CASKIN1: variants seen among roughly 807,000 people sequenced by gnomAD.
CASKIN1 encodes CASK interacting protein 1, also known as caskin-1.
Under a neutral mutation model 117.5 loss-of-function variants are expected in CASKIN1, and 42 were observed. That is an observed-to-expected ratio of 0.36 (90% CI 0.28 to 0.46). The LOEUF (loss-of-function observed/expected upper bound fraction) is 0.46, where lower values mean the gene tolerates loss of function less well. Among genes scored for constraint, CASKIN1 ranks in the 20% least tolerant of loss-of-function variants. The pLI, the probability that CASKIN1 is intolerant of heterozygous loss-of-function variation, is 1.00. For synonymous variants in CASKIN1, 1,148 were observed against 961.7 expected (o/e 1.19, Z -3.59); for missense variants, 2,083 against 2,077.3 (o/e 1.00, Z -0.05).
At position 2,179,757 on chromosome 16, in the gene CASKIN1, T is replaced by G; in HGVS notation, c.3611A>C (p.Asp1204Ala). 6.5e-7 allele frequency: 1 copy of G among 1,542,180 alleles called. No homozygotes were observed. The highest frequency in any genetic ancestry group is 8.7e-7 in the Non-Finnish European group (1 of 1,148,936). The part of the protein sequence containing the change: ...PPPPAEPPPT[D>A]LAHLPPLPPP... Reference sequence around the variant, plus strand: ...GGGCAATGGGGGTAGGTGCGCCAGGTCGGTGGGCGGGGGTTCGGCAGGCGG... The same window carrying G: ...GGGCAATGGGGGTAGGTGCGCCAGGGCGGTGGGCGGGGGTTCGGCAGGCGG... Residue 1204 changes from aspartate to alanine, a missense_variant, in exon 18 of 20, where the codon GAC (aspartate) becomes GCC (alanine). Asp to Ala is a moderately radical substitution (Grantham distance 126). Around this residue, in one of 3 missense-constraint regions of CASKIN1, gnomAD observed 1,818 missense variants for 1,688.9 expected, o/e 1.08. Transcript: ENST00000343516. The surrounding 1 kb of genome is among the most constrained non-coding windows in gnomAD (Gnocchi z 5.8).
intron 6 of CASKIN1, among the ~76,000 whole-genome samples, chr16:2,187,716 G>A (rs1023324672): frequency 1.5e-4 from 23 of 152,298 alleles, no homozygotes; most frequent in African/African-American, 5.1e-4. Context: ...CCACCTCCTG[G>A]GTTCAAGCGA....
Position 2,180,590 on chromosome 16 carries a change from G to A in CASKIN1, c.2778C>T (p.Ala926=), listed in dbSNP as rs558328556. Residue 926 remains alanine, a synonymous_variant, in exon 18 of 20, where the codon GCC becomes GCT. Transcript: ENST00000343516. ...ACTGGCTGCGGTTGACGTTCTTGTC[G>A]GCACCTGCGGGCGCCCTCACTGAGT... is the stretch of plus-strand genomic sequence containing the variant. The part of the protein sequence containing the change: ...RSHSVRAPAG[A]DKNVNRSQSF... 1.2e-4 allele frequency: 191 copies of A among 1,572,538 alleles called. No individual in the cohort carries two copies. The highest frequency in any genetic ancestry group is 1.7e-4 in the Middle Eastern group (1 of 5,852).
rs955603820 is a variant in CASKIN1, at chr16:2,178,097, C to T, written c.*453G>A. ...TTCTCTGGGGAAATCCGCCTCAGCT[C>T]ATTCCCAATAAATTAATACTCTTGA... On this transcript the variant is annotated 3_prime_UTR_variant, in exon 20 of 20. Coordinates refer to ENST00000343516, the MANE Select transcript of CASKIN1 (RefSeq NM_020764.4). The T allele has an allele frequency of 7.9e-6, 4 of 503,632 alleles. No individual in the cohort carries two copies. Among genetic ancestry groups the T allele is most frequent in the African/African-American group, 1.9e-5 (1 of 51,482 alleles). The allele number at this position is 503,632 out of a possible 1,614,324, so 31.2% of individuals were successfully genotyped here.
intron 9 of CASKIN1, 63 bp from the exon 10 acceptor site, chr16:2,186,887 G>A: frequency 1.9e-6 from 3 of 1,601,984 alleles, no homozygotes; most frequent in Non-Finnish European, 2.6e-6. Flanking sequence ...CCTGCCCAGT[G>A]CCCCCCAGTT....
rs1434919257 is a variant in CASKIN1, at chr16:2,190,382, G to T, written c.95-24C>A. On this transcript the variant is annotated intron_variant, in intron 1 of 19. Transcript: ENST00000343516. ...CTCTGGGGATGGAAGGAGACTCAGT[G>T]AGGGGAGGCTGTGCCAGCCCCTCCA... The T allele has an allele frequency of 5.8e-6, 9 of 1,560,604 alleles. No homozygotes were observed. In the Admixed American group the frequency reaches 1.1e-4, roughly 20 times the overall value.
At position 2,196,437 on chromosome 16, in the gene CASKIN1, C is replaced by T. The variant is rs779045530; in HGVS notation, c.-5G>A. ...CAGCTCCTGCTCCTTCCCCATGGCGCGGCCGGGGCCGCAGCGACGCGGCTG... is the reference window on the plus strand; with the variant it reads ...CAGCTCCTGCTCCTTCCCCATGGCGTGGCCGGGGCCGCAGCGACGCGGCTG... On this transcript the variant is annotated 5_prime_UTR_variant, in exon 1 of 20. Coordinates refer to ENST00000343516, the MANE Select transcript of CASKIN1 (RefSeq NM_020764.4). The surrounding 1 kb of genome is among the most constrained non-coding windows in gnomAD (Gnocchi z 5.7). 3 of 1,262,434 alleles carry T rather than the reference C, an allele frequency of 2.4e-6. No homozygotes were observed. Among genetic ancestry groups the T allele is most frequent in the Non-Finnish European group, 3.0e-6 (3 of 989,256 alleles). 78.2% of individuals were successfully genotyped at this position (1,262,434 alleles called of 1,614,324 possible). A position where few individuals can be genotyped will look rare whatever the true frequency, so the allele number is the denominator to read the frequency against.
chr16:2,180,406 C>G lies in CASKIN1; in HGVS notation c.2962G>C (p.Asp988His). 6.3e-7 allele frequency: 1 copy of G among 1,576,502 alleles called. No individual in the cohort carries two copies. The highest frequency in any genetic ancestry group is 8.6e-7 in the Non-Finnish European group (1 of 1,168,544). Residue 988 changes from aspartate (D) to histidine (H), a missense_variant, in exon 18 of 20, where the codon GAC (aspartate) becomes CAC (histidine). Transcript: ENST00000343516. ...GVRAQCRRAS[D>H]LAGSVDTGSA... ...CCCGTGTCCACGCTGCCGGCCAGGT[C>G]ACTGGCCCGCCGGCACTGTGCCCGG...
intron 1 of CASKIN1, among the ~76,000 whole-genome samples, chr16:2,191,380 C>T (rs1729307171): frequency 2.0e-5 from 3 of 152,230 alleles, no homozygotes; most frequent in Admixed American, 6.5e-5. Context: ...TGATGACCCA[C>T]GAGGCTGGCC....
At position 2,181,583 on chromosome 16, in the gene CASKIN1, C is replaced by T. The variant is rs1418551305; in HGVS notation, c.1785G>A (p.Leu595=). 5.8e-6 allele frequency: 9 copies of T among 1,564,866 alleles called. No individual in the cohort carries two copies. The highest frequency in any genetic ancestry group is 7.8e-6 in the Non-Finnish European group (9 of 1,157,490). ...GITKLGHQKK[L]MLAVRKLAEL... is the part of the protein sequence containing the mutation. Reference sequence around the variant, plus strand: ...CTGCCAGCTTCCTCACAGCGAGCATCAGCTTCTTCTGGTGCCCTGAGTGGG... The same window carrying T: ...CTGCCAGCTTCCTCACAGCGAGCATTAGCTTCTTCTGGTGCCCTGAGTGGG... The change falls in exon 18 of 20, where the codon CTG becomes CTA. Residue 595 remains leucine (L), a synonymous_variant. Coordinates refer to ENST00000343516, the MANE Select transcript of CASKIN1 (RefSeq NM_020764.4).
rs760163393 is a variant in CASKIN1 at position 2,177,438 on chromosome 16, A to C, written c.*1112T>G. 4 of 232,754 alleles carry C rather than the reference A, an allele frequency of 1.7e-5. No homozygotes were observed. The highest frequency in any genetic ancestry group is 3.4e-5 in the Non-Finnish European group (4 of 117,784). The allele number at this position is 232,754 out of a possible 1,614,324, so 14.4% of individuals were successfully genotyped here. A position where few individuals can be genotyped will look rare whatever the true frequency, so the allele number is the denominator to read the frequency against. On this transcript the variant is annotated 3_prime_UTR_variant, in exon 20 of 20. Transcript: ENST00000343516. ...CATTTTTTAAATTTTTTTTTTAAGA[A>C]ACGTCAAAGTTGTGCCCAACACTGT...
At chr16:2,195,140 G>A (rs549908294) in intron 1 of CASKIN1, among the ~76,000 whole-genome samples, 5 of 152,302 alleles carry the variant, frequency 3.3e-5, no homozygotes, top group South Asian at 2.1e-4. Flanking sequence ...CTGAGCCCCC[G>A]GACCTGAAAT....
intron 1 of CASKIN1, among the ~76,000 whole-genome samples, chr16:2,195,318 T>C (rs2093212477): frequency 6.6e-6 from 1 of 151,908 alleles, no homozygotes; most frequent in African/African-American, 2.4e-5. Flanking sequence ...GTTCTCGGCA[T>C]CCCCCTGGAG....
In CASKIN1 at chr16:2,183,912, G is replaced by A. The variant is rs760762169; in HGVS notation, c.1446C>T (p.Thr482=). The change falls in exon 15 of 20, where the codon ACC becomes ACT. Residue 482 remains threonine (T), a synonymous_variant. Coordinates refer to ENST00000343516, the MANE Select transcript of CASKIN1 (RefSeq NM_020764.4). ...GGGCGTAGAGCTGCAGCTGGAACGCGGTGAGCCACTGGCTCACGGCCTCAG... is the reference window on the plus strand; with the variant it reads ...GGGCGTAGAGCTGCAGCTGGAACGCAGTGAGCCACTGGCTCACGGCCTCAG... The part of the protein sequence containing the change: ...KSSEAVSQWL[T]AFQLQLYAPN... The A allele has an allele frequency of 1.2e-5, 19 of 1,609,056 alleles. No individual in the cohort carries two copies. The highest frequency in any genetic ancestry group is 3.3e-4 in the Middle Eastern group (2 of 6,044).
intron 1 of CASKIN1, among the ~76,000 whole-genome samples, chr16:2,195,801 C>T (rs903013198): frequency 7.2e-5 from 11 of 152,202 alleles, no homozygotes; most frequent in Non-Finnish European, 1.2e-4. Context: ...GTAAATGGCA[C>T]CCCACCGGCC....
Position 2,179,302 on chromosome 16 carries a change from G to A in CASKIN1, c.3799C>T (p.Pro1267Ser). The change falls in exon 19 of 20, where the codon CCA becomes TCA. Residue 1267 changes from proline (P) to serine (S), a missense_variant. Physicochemically the swap from Pro to Ser is moderately conservative, Grantham distance 74. Coordinates refer to ENST00000343516, the MANE Select transcript of CASKIN1 (RefSeq NM_020764.4). This position sits in a 1 kb window ranked among gnomAD's most constrained non-coding sequence, Gnocchi z 5.8. ...GGCGGCTTGGGAGACACGGGCGGTG[G>A]CGTGCCGTGGGCGCGCTTCACCTCT... The part of the protein sequence containing the change: ...SPEVKRAHGT[P>S]PPVSPKPPPP... 1.6e-6 allele frequency: 2 copies of A among 1,232,586 alleles called. No individual in the cohort carries two copies. Among genetic ancestry groups the A allele is most frequent in the African/African-American group, 3.1e-5 (2 of 63,996 alleles). The allele number at this position is 1,232,586 out of a possible 1,614,324, so 76.4% of individuals were successfully genotyped here. A position where few individuals can be genotyped will look rare whatever the true frequency, so the allele number is the denominator to read the frequency against.
Position 2,189,458 on chromosome 16 carries a change from G to A in CASKIN1, c.351C>T (p.Ile117=). Residue 117 remains isoleucine (I), a synonymous_variant, in exon 4 of 20, where the codon ATC becomes ATT. Transcript: ENST00000343516. ...AVNIPSDEGH[I]PLHLAAQHGH... is the part of the protein sequence containing the mutation. ...CATGCTGGGCCGCCAGGTGCAGGGG[G>A]ATGTGGCCCTCATCAGACGGGATGT... 1 of 1,612,214 alleles carries A rather than the reference G, an allele frequency of 6.2e-7. No individual in the cohort carries two copies. Among genetic ancestry groups the A allele is most frequent in the Admixed American group, 1.7e-5 (1 of 59,988 alleles).
In CASKIN1 at chr16:2,178,303, CCAGCAGGTATTGCACGGGGAG is replaced by C; in HGVS notation, c.*226_*246del. 2.3e-6 allele frequency: 1 copy of C among 438,608 alleles called. No individual in the cohort carries two copies. Among genetic ancestry groups the C allele is most frequent in the Non-Finnish European group, 4.1e-6 (1 of 245,200 alleles). The allele number at this position is 438,608 out of a possible 1,614,324, so 27.2% of individuals were successfully genotyped here. ...CTCCCCTCCCGCGCGGGCAGGAGGC[CCAGCAGGTATTGCACGGGGAG>C]CAGCAGGTGGGGAGGACCCGCGGGC... On this transcript the variant is annotated 3_prime_UTR_variant, in exon 20 of 20. Coordinates refer to ENST00000343516, the MANE Select transcript of CASKIN1 (RefSeq NM_020764.4).
Position 2,184,982 on chromosome 16 carries a change from G to A in CASKIN1, c.1293C>T (p.Asp431=), listed in dbSNP as rs749476795. The A allele has an allele frequency of 2.5e-6, 4 of 1,606,956 alleles. No homozygotes were observed. In the South Asian group the frequency reaches 3.3e-5, roughly 13 times the overall value. ...QKSVSESGPG[D]SPAKPPEGSA... ...AGCCTTCCGGAGGCTTGGCGGGGCT[G>A]TCCCCCGGGCCGGACTCAGAGACGG... Residue 431 remains aspartate (D), a synonymous_variant, in exon 13 of 20, where the codon GAC becomes GAT. Transcript: ENST00000343516.
At chr16:2,184,652 C>G in intron 14 of CASKIN1, 125 bp downstream of exon 14, 1 of 701,814 alleles carries the variant, frequency 1.4e-6, no homozygotes, top group South Asian at 2.8e-5. Context: ...AGGAGAGGGT[C>G]TGGCCTGGCA....
Sources: gnomAD v4.1 joint callset for allele counts (sites outside exome capture counted in the v4.1 genomes callset) on GRCh38, gnomAD v4.1.1 for gene constraint, gnomAD v4.1.1 regional missense constraint, Gnocchi (gnomAD v3.1) non-coding constraint, MANE v1.5 for transcripts, NCBI Gene and HGNC (gene_info 2026-07-23, HGNC 2026-07-21) for gene names.